Variants in TAFA5 observed in about 807,000 individuals in gnomAD.
TAFA5 encodes the protein TAFA chemokine like family member 5, also known as chemokine-like protein TAFA-5.
A neutral mutation model predicts 15.3 loss-of-function variants in TAFA5; 6 were observed. The observed-to-expected ratio is 0.39, with a 90% CI of 0.21 to 0.77. TAFA5 has a LOEUF of 0.77. Among genes scored for constraint, TAFA5 ranks in the 30% least tolerant of loss-of-function variants. The probability of loss-of-function intolerance (pLI) is 0.41; values close to 1 mark genes in which losing one functional copy is unlikely to be tolerated. For synonymous variants in TAFA5, 103 were observed against 80.7 expected, an observed-to-expected ratio of 1.28 and a Z score of -1.48; for missense variants, 161 against 193.1, an observed-to-expected ratio of 0.83 and a Z score of 0.98.
chr22:48,587,954 C>T (rs1924422232), intron 1 of TAFA5, among the ~76,000 whole-genome samples: 2 of 152,244 alleles, frequency 1.3e-5, no homozygotes, highest in South Asian at 4.1e-4. Context: ...CGCACTTTCC[C>T]AGCTAGGCGG....
chr22:48,720,628 G>T (rs2147260559), intron 3 of TAFA5, among the ~76,000 whole-genome samples: 1 of 152,266 alleles, frequency 6.6e-6, no homozygotes, highest in East Asian at 1.9e-4. Flanking sequence ...CGGGGAGCCT[G>T]GTCTCCAAGA....
intron 1 of TAFA5, among the ~76,000 whole-genome samples, chr22:48,646,139 C>T (rs2147201992): frequency 1.3e-5 from 2 of 152,226 alleles, no homozygotes; most frequent in South Asian, 4.2e-4. Flanking sequence ...GGGGTCTGAC[C>T]TATTTTCCGG....
chr22:48,638,004 C>A (rs558619136), intron 1 of TAFA5, among the ~76,000 whole-genome samples: 2 of 152,060 alleles, frequency 1.3e-5, no homozygotes, highest in Non-Finnish European at 2.9e-5. Context: ...ACAAGACAGT[C>A]GCTGAGGACA....
intron 2 of TAFA5, among the ~76,000 whole-genome samples, chr22:48,677,687 G>T (rs73889566): frequency 0.014 from 2,200 of 152,262 alleles, 51 homozygotes; most frequent in African/African-American, 0.05. Context: ...AGCAGCTCCT[G>T]GTTGGAAGTT....
intron 2 of TAFA5, among the ~76,000 whole-genome samples, chr22:48,656,010 T>C (rs922616931): frequency 1.3e-5 from 2 of 151,394 alleles, no homozygotes; most frequent in African/African-American, 4.9e-5. Flanking sequence ...GGCTAATTTT[T>C]TTTTTGTATT....
chr22:48,496,797 T>C (rs1169276260), intron 1 of TAFA5, among the ~76,000 whole-genome samples: 4 of 152,224 alleles, frequency 2.6e-5, no homozygotes, highest in African/African-American at 9.6e-5. Context: ...CGGCGTAGGC[T>C]GTGCCACCTA....
rs1157470548 is a variant in TAFA5 at position 48,490,203 on chromosome 22, G to A, written c.112+499G>A. Among the ~76,000 whole-genome samples, 1 of 152,156 alleles carries A rather than the reference G, an allele frequency of 6.6e-6. No individual in the cohort carries two copies. Among genetic ancestry groups the A allele is most frequent in the South Asian group, 2.1e-4 (1 of 4,832 alleles). On this transcript the variant is annotated intron_variant, in intron 1 of 3. Transcript: ENST00000402357. The surrounding 1 kb of genome is among the most constrained non-coding windows in gnomAD (Gnocchi z 5.8). ...CAGCCTGGGCTCGGAGGAGCAGCTGGAGCTTCCGCTTTCCCGGGAAACGGG... is the reference window on the plus strand; with the variant it reads ...CAGCCTGGGCTCGGAGGAGCAGCTGAAGCTTCCGCTTTCCCGGGAAACGGG...
At chr22:48,622,279 C>A (rs974872185) in intron 1 of TAFA5, among the ~76,000 whole-genome samples, 6 of 152,166 alleles carry the variant, frequency 3.9e-5, no homozygotes, top group Non-Finnish European at 7.3e-5. Context: ...GAGAGGGATA[C>A]CTAGGACAGG....
chr22:48,582,876 C>A (rs1601594133), intron 1 of TAFA5, among the ~76,000 whole-genome samples: 1 of 148,670 alleles, frequency 6.7e-6, no homozygotes. Flanking sequence ...GCAAAATACA[C>A]CACACACACT....
chr22:48,712,514 C>T (rs139136562), intron 3 of TAFA5, among the ~76,000 whole-genome samples: 12 of 152,342 alleles, frequency 7.9e-5, no homozygotes, highest in South Asian at 4.1e-4. Flanking sequence ...ACAAAGCACG[C>T]GCCTGGGCAC....
intron 1 of TAFA5, among the ~76,000 whole-genome samples, chr22:48,640,209 A>G (rs573553939): frequency 6.6e-6 from 1 of 152,222 alleles, no homozygotes; most frequent in African/African-American, 2.4e-5. Flanking sequence ...GGTGGAGGCT[A>G]GATCTGGCCC....
intron 2 of TAFA5, among the ~76,000 whole-genome samples, chr22:48,671,772 G>T (rs1884346): frequency 6.6e-6 from 1 of 152,124 alleles, no homozygotes; most frequent in Non-Finnish European, 1.5e-5. Context: ...TGTCCCTGGT[G>T]CCTGTCCCTG....
intron 1 of TAFA5, among the ~76,000 whole-genome samples, chr22:48,571,428 C>T (rs1426661017): frequency 1.3e-5 from 2 of 151,508 alleles, no homozygotes; most frequent in South Asian, 2.1e-4. Flanking sequence ...GCACCCACTA[C>T]CACGCCCAGC....
At chr22:48,724,935 G>A (rs941664404) in intron 3 of TAFA5, among the ~76,000 whole-genome samples, 74 of 152,368 alleles carry the variant, frequency 4.9e-4, no homozygotes, top group African/African-American at 1.7e-3. Context: ...CACAGAGATG[G>A]CAGAAGAGCC....
At chr22:48,517,936 C>T (rs758814193) in intron 1 of TAFA5, among the ~76,000 whole-genome samples, 9 of 152,220 alleles carry the variant, frequency 5.9e-5, no homozygotes, top group African/African-American at 9.6e-5. Context: ...GGGGCAGCCT[C>T]GTGAAAAGCC....
chr22:48,618,472 C>T (rs963493213), intron 1 of TAFA5, among the ~76,000 whole-genome samples: 6 of 152,210 alleles, frequency 3.9e-5, no homozygotes, highest in Non-Finnish European at 8.8e-5. Flanking sequence ...ATAAAGTTGC[C>T]GGGGATGGCT....
chr22:48,710,537 C>T (rs1005032664), intron 3 of TAFA5, among the ~76,000 whole-genome samples: 4 of 152,192 alleles, frequency 2.6e-5, no homozygotes, highest in South Asian at 2.1e-4. Flanking sequence ...CGTCCAGGGC[C>T]GCCCAAGCAG....
intron 1 of TAFA5, among the ~76,000 whole-genome samples, chr22:48,548,461 C>T (rs1317228260): frequency 6.6e-6 from 1 of 152,196 alleles, no homozygotes; most frequent in African/African-American, 2.4e-5. Flanking sequence ...AAACTCGGGC[C>T]TCACAGTGCT....
intron 1 of TAFA5, among the ~76,000 whole-genome samples, chr22:48,631,471 C>T (rs140914489): frequency 4.6e-5 from 7 of 152,218 alleles, no homozygotes; most frequent in African/African-American, 4.8e-5. Flanking sequence ...GAGTGGCTCG[C>T]GTGGATATTC....
Sources: gnomAD v4.1 joint callset for allele counts (sites outside exome capture counted in the v4.1 genomes callset) on GRCh38, gnomAD v4.1.1 for gene constraint, Gnocchi (gnomAD v3.1) non-coding constraint, MANE v1.5 for transcripts, NCBI Gene and HGNC (gene_info 2026-07-23, HGNC 2026-07-21) for gene names.